MAGI1: variants seen among roughly 807,000 people sequenced by gnomAD.
MAGI1 encodes the protein membrane associated guanylate kinase, WW and PDZ domain containing 1.
A neutral mutation model predicts 139.9 loss-of-function variants in MAGI1; 58 were observed. The observed-to-expected ratio is 0.41, with a 90% CI of 0.34 to 0.52. The LOEUF is 0.52. Ranked by LOEUF, MAGI1 falls within the 20% of genes least tolerant of loss-of-function variation. The probability of loss-of-function intolerance (pLI) is 0.12; values close to 1 mark genes in which losing one functional copy is unlikely to be tolerated. For missense variants in MAGI1, 1,874 were observed against 1,901.6 expected (o/e 0.99, Z 0.27); for synonymous variants, 812 against 737.9 (o/e 1.10, Z -1.63).
chr3:65,394,139 A>T (rs1193772698), intron 13 of MAGI1, among the ~76,000 whole-genome samples: 1 of 152,202 alleles, frequency 6.6e-6, no homozygotes, highest in East Asian at 1.9e-4. Flanking sequence ...CTGACATGGA[A>T]GAACCTAGAT....
At chr3:65,791,407 C>A (rs2039762541) in intron 1 of MAGI1, among the ~76,000 whole-genome samples, 1 of 152,114 alleles carries the variant, frequency 6.6e-6, no homozygotes, top group South Asian at 2.1e-4. Context: ...CTGCTGATAC[C>A]ACGATAGACA....
intron 1 of MAGI1, among the ~76,000 whole-genome samples, chr3:65,790,313 T>C (rs2039674365): frequency 6.6e-6 from 1 of 152,216 alleles, no homozygotes; most frequent in South Asian, 2.1e-4. Context: ...CCTTCTTAAT[T>C]ACAACAGTTC....
chr3:65,834,420 T>TTTCTCTTA (rs2042693032), intron 1 of MAGI1, among the ~76,000 whole-genome samples: 2 of 152,256 alleles, frequency 1.3e-5, no homozygotes, highest in African/African-American at 4.8e-5. Context: ...TGATTTCTAC[T>TTTCTCTTA]TTGATTCCAC....
Position 65,945,259 on chromosome 3 carries a change from G to C in MAGI1, c.313+92737C>G, listed in dbSNP as rs116454533. Among the ~76,000 whole-genome samples, 652 of 152,202 alleles carry C rather than the reference G, an allele frequency of 4.3e-3. 6 individuals carry two copies. Among genetic ancestry groups the C allele is most frequent in the African/African-American group, 0.015 (604 of 41,518 alleles). On this transcript the variant is annotated intron_variant, in intron 1 of 22. Coordinates refer to ENST00000402939, the MANE Select transcript of MAGI1 (RefSeq NM_001033057.2). ...TTTAGGTTCAGGGATACATGTGCAG[G>C]TTTGTTATATGGATAAACTCGTGTC... is the stretch of plus-strand genomic sequence containing the variant.
At chr3:65,359,937 C>A (rs1575594215) in intron 22 of MAGI1, 4 of 985,336 alleles carry the variant, frequency 4.1e-6, no homozygotes, top group Admixed American at 6.1e-5. Flanking sequence ...TCAGTGGTAT[C>A]AATACACCTA....
At chr3:65,564,321 T>C (rs540632031) in intron 2 of MAGI1, among the ~76,000 whole-genome samples, 8 of 152,280 alleles carry the variant, frequency 5.3e-5, no homozygotes, top group Middle Eastern at 3.4e-3. Flanking sequence ...ACAATTACAA[T>C]GTGCTGCATG....
chr3:65,911,351 C>T (rs1032882000), intron 1 of MAGI1, among the ~76,000 whole-genome samples: 11 of 152,096 alleles, frequency 7.2e-5, no homozygotes, highest in Admixed American at 1.3e-4. Flanking sequence ...GGAGTTGGCT[C>T]ATCCTCCGGG....
At chr3:65,442,661 C>G in intron 8 of MAGI1, 131 bp downstream of exon 8, 1 of 600,124 alleles carries the variant, frequency 1.7e-6, no homozygotes. Context: ...TATATGCATA[C>G]ATATTTTCAT....
intron 14 of MAGI1, among the ~76,000 whole-genome samples, chr3:65,390,006 T>C (rs1277293379): frequency 5.3e-5 from 8 of 152,218 alleles, no homozygotes; most frequent in Non-Finnish European, 1.2e-4. Flanking sequence ...ACAAGGATGC[T>C]GGCCTCACTG....
chr3:65,865,967 T>G (rs1181339875), intron 1 of MAGI1, among the ~76,000 whole-genome samples: 1 of 152,148 alleles, frequency 6.6e-6, no homozygotes, highest in South Asian at 2.1e-4. Context: ...AAAACCACAA[T>G]GGCAGCAGCT....
chr3:65,782,694 A>C (rs2039035990), intron 1 of MAGI1, among the ~76,000 whole-genome samples: 1 of 150,870 alleles, frequency 6.6e-6, no homozygotes, highest in South Asian at 2.1e-4. Flanking sequence ...AACATAATAT[A>C]CTGAAGGACT....
intron 1 of MAGI1, among the ~76,000 whole-genome samples, chr3:65,802,884 G>GTGTGTT (rs2040606138): frequency 6.6e-6 from 1 of 151,098 alleles, no homozygotes; most frequent in Admixed American, 6.6e-5. Flanking sequence ...GTGTGTGTGT[G>GTGTGTT]TGTGTGTCTT....
chr3:65,563,476 T>C (rs1257971435), intron 2 of MAGI1, among the ~76,000 whole-genome samples: 2 of 152,172 alleles, frequency 1.3e-5, no homozygotes, highest in African/African-American at 4.8e-5. Flanking sequence ...ATAAAAGACA[T>C]TAAAACTTCC....
At chr3:65,499,462 A>G (rs981932668) in intron 2 of MAGI1, among the ~76,000 whole-genome samples, 10 of 152,164 alleles carry the variant, frequency 6.6e-5, no homozygotes, top group Non-Finnish European at 1.2e-4. Context: ...ATCCTGGCTA[A>G]CACGGTGAAA....
At chr3:65,750,237 A>T (rs1559846794) in intron 1 of MAGI1, among the ~76,000 whole-genome samples, 1 of 152,230 alleles carries the variant, frequency 6.6e-6, no homozygotes, top group East Asian at 1.9e-4. Context: ...GATGGAGGGC[A>T]GGAACAGAAA....
intron 1 of MAGI1, among the ~76,000 whole-genome samples, chr3:65,883,989 T>TA (rs986385777): frequency 1.1e-4 from 16 of 151,798 alleles, no homozygotes; most frequent in Admixed American, 2.6e-4. Context: ...AAAAGGCTTT[T>TA]AAAAAAAATC....
At chr3:66,032,934 AC>A (rs1451924323) in intron 1 of MAGI1, among the ~76,000 whole-genome samples, 9 of 142,564 alleles carry the variant, frequency 6.3e-5, no homozygotes, top group South Asian at 2.2e-4. Flanking sequence ...AAAAAAAAAA[AC>A]AACAACAACA....
At chr3:65,869,467 C>A (rs2059858067) in intron 1 of MAGI1, among the ~76,000 whole-genome samples, 1 of 150,362 alleles carries the variant, frequency 6.7e-6, no homozygotes, top group African/African-American at 2.4e-5. Flanking sequence ...GTGGCGTGAT[C>A]TCCACTCACT....
intron 17 of MAGI1, 136 bp from the exon 18 acceptor site, chr3:65,376,081 A>G (rs1942491092): frequency 7.6e-6 from 5 of 656,612 alleles, no homozygotes; most frequent in Non-Finnish European, 1.3e-5. Flanking sequence ...ATTAAAGGAG[A>G]GCTCTGCACC....
Sources: allele counts gnomAD v4.1 joint callset (sites outside exome capture counted in the v4.1 genomes callset), GRCh38; gene constraint gnomAD v4.1.1; transcripts MANE v1.5; gene names NCBI Gene and HGNC (gene_info 2026-07-23, HGNC 2026-07-21).